Variants in ABLIM2 observed in about 807,000 individuals in gnomAD.
ABLIM2 encodes actin-binding LIM protein 2.
In ABLIM2, 53 loss-of-function variants were observed where a neutral mutation model predicts 97.7. The ratio of observed to expected loss-of-function variants is 0.54; its 90% CI spans 0.44 to 0.68. The LOEUF is 0.68. Ranked by LOEUF, ABLIM2 falls within the 30% of genes least tolerant of loss-of-function variation. ABLIM2 has a pLI of 0.00. For synonymous variants in ABLIM2, 361 were observed against 345.8 expected, an observed-to-expected ratio of 1.04 and a Z score of -0.49; for missense variants, 835 against 867.2, an observed-to-expected ratio of 0.96 and a Z score of 0.47.
At chr4:8,036,088 T>A in intron 10 of ABLIM2, 61 bp downstream of exon 10, 1 of 1,588,144 alleles carries the variant, frequency 6.3e-7, no homozygotes, top group Non-Finnish European at 8.6e-7. Flanking sequence ...GGATGACGCC[T>A]GTCCTGCAGG....
chr4:8,077,580 G>A, intron 6 of ABLIM2, 48 bp downstream of exon 6: 2 of 1,518,912 alleles, frequency 1.3e-6, no homozygotes, highest in Non-Finnish European at 9.0e-7. Flanking sequence ...CAGGGGGGCA[G>A]TTAGGCCCTA....
intron 3 of ABLIM2, among the ~76,000 whole-genome samples, chr4:8,094,428 C>T (rs113714993): frequency 0.024 from 3,678 of 152,262 alleles, 136 homozygotes; most frequent in African/African-American, 0.081. Flanking sequence ...TGCGCAATTC[C>T]TGTCCCTTTT....
chr4:8,056,804 C>T (rs1410677384), intron 7 of ABLIM2, among the ~76,000 whole-genome samples: 2 of 151,268 alleles, frequency 1.3e-5, no homozygotes, highest in Admixed American at 6.6e-5. Context: ...TGGTGGCGGG[C>T]GCCTGTAGTC....
intron 12 of ABLIM2, 85 bp from the exon 13 acceptor site, chr4:8,020,388 C>T: frequency 8.2e-7 from 1 of 1,217,304 alleles, no homozygotes; most frequent in Non-Finnish European, 1.2e-6. Context: ...AGCTTATTTG[C>T]AGCGAGCCCC....
Position 8,083,010 on chromosome 4 carries a change from GTCATAAC to G in ABLIM2, c.455-2215_455-2209del, listed in dbSNP as rs1231639570. Reference sequence around the variant, plus strand: ...GCAATGTCTGGCGACCCTTTTGATTGTCATAACTTGGAGGGGGTTCCAGGCATCTAGT... The same window carrying G: ...GCAATGTCTGGCGACCCTTTTGATTGTTGGAGGGGGTTCCAGGCATCTAGT... On this transcript the variant is annotated intron_variant, in intron 4 of 20. Transcript: ENST00000447017. The surrounding 1 kb of genome is among the most constrained non-coding windows in gnomAD (Gnocchi z 4.6). Among the ~76,000 whole-genome samples the G allele has an allele frequency of 6.6e-6, 1 of 152,162 alleles. No homozygotes were observed. Among genetic ancestry groups the G allele is most frequent in the Non-Finnish European group, 1.5e-5 (1 of 68,026 alleles).
Position 8,015,284 on chromosome 4 carries a change from T to G in ABLIM2, c.1423+4334A>C, listed in dbSNP as rs574275665. On this transcript the variant is annotated intron_variant, in intron 14 of 20. Transcript: ENST00000447017. The surrounding 1 kb of genome is among the most constrained non-coding windows in gnomAD (Gnocchi z 4.6). The stretch of plus-strand genomic sequence containing the variant: ...TGCACTGCAGAAGGAGAGGTTAGCG[T>G]GTCTTTTGTATCACACAGACAGTTC... 3.7e-4 allele frequency among the ~76,000 whole-genome samples: 56 copies of G among 152,228 alleles called. No individual in the cohort carries two copies. Among genetic ancestry groups the G allele is most frequent in the African/African-American group, 1.3e-3 (54 of 41,544 alleles).
Position 7,970,970 on chromosome 4 carries a change from G to C in ABLIM2, c.1825-3867C>G, listed in dbSNP as rs1424411500. 6.6e-6 allele frequency among the ~76,000 whole-genome samples: 1 copy of C among 152,108 alleles called. No individual in the cohort carries two copies. Among genetic ancestry groups the C allele is most frequent in the Non-Finnish European group, 1.5e-5 (1 of 67,988 alleles). On this transcript the variant is annotated intron_variant, in intron 20 of 20. Transcript: ENST00000447017. The surrounding 1 kb of genome is among the most constrained non-coding windows in gnomAD (Gnocchi z 5.3). ...GCTCCAGTCCTGTTTTCTGTCTGCA[G>C]CGTGAGAGAACTTGGTTGCCTGGGT...
intron 20 of ABLIM2, among the ~76,000 whole-genome samples, chr4:7,980,121 T>C (rs1736801624): frequency 6.6e-6 from 1 of 152,138 alleles, no homozygotes; most frequent in Non-Finnish European, 1.5e-5. Context: ...AGCCCTGCAA[T>C]GGCTGATTGA....
rs1335205640 is a variant in ABLIM2, at chr4:8,044,106, G to A, written c.900+1058C>T. ...CCCTGTGTCCAACCACTATGAGAGA[G>A]GAGGGTCGAAAAGAAGCACAGCAGA... is the stretch of plus-strand genomic sequence containing the variant. On this transcript the variant is annotated intron_variant, in intron 9 of 20. Transcript: ENST00000447017. The surrounding 1 kb of genome is among the most constrained non-coding windows in gnomAD (Gnocchi z 4.4). Among the ~76,000 whole-genome samples, 2 of 152,234 alleles carry A rather than the reference G, an allele frequency of 1.3e-5. No homozygotes were observed. Among genetic ancestry groups the A allele is most frequent in the African/African-American group, 4.8e-5 (2 of 41,464 alleles).
intron 8 of ABLIM2, among the ~76,000 whole-genome samples, chr4:8,048,320 C>A (rs561947816): frequency 6.6e-6 from 1 of 152,234 alleles, no homozygotes; most frequent in Non-Finnish European, 1.5e-5. Context: ...CCAGTACAAG[C>A]GCCTTGTTCA....
chr4:8,122,301 C>T lies in ABLIM2; in HGVS notation c.11-15664G>A, dbSNP rs896140161. 5.9e-5 allele frequency among the ~76,000 whole-genome samples: 9 copies of T among 152,160 alleles called. No individual in the cohort carries two copies. Among genetic ancestry groups the T allele is most frequent in the East Asian group, 1.9e-4 (1 of 5,182 alleles). On this transcript the variant is annotated intron_variant, in intron 1 of 20. Coordinates refer to ENST00000447017, the MANE Select transcript of ABLIM2 (RefSeq NM_001130083.2). This position sits in a 1 kb window ranked among gnomAD's most constrained non-coding sequence, Gnocchi z 4.1. ...CTGGAGAGGTCCCCCACTTTGTCCT[C>T]GGCTCCCATCCTCCATTTCCCAGGG...
In ABLIM2 at chr4:8,095,306, G is replaced by A. The variant is rs1345300751; in HGVS notation, c.338+1793C>T. Among the ~76,000 whole-genome samples the A allele has an allele frequency of 1.3e-5, 2 of 152,040 alleles. No individual in the cohort carries two copies. The highest frequency in any genetic ancestry group is 2.1e-4 in the South Asian group (1 of 4,826). ...TTTTGTAGAGACAGGGTCTTGCTAT[G>A]TCACGCAGGCTGATCTTGAACTCCC... On this transcript the variant is annotated intron_variant, in intron 3 of 20. Coordinates refer to ENST00000447017, the MANE Select transcript of ABLIM2 (RefSeq NM_001130083.2). The surrounding 1 kb of genome is among the most constrained non-coding windows in gnomAD (Gnocchi z 4.7).
At chr4:8,092,277 C>T (rs1183633701) in intron 3 of ABLIM2, among the ~76,000 whole-genome samples, 1 of 151,974 alleles carries the variant, frequency 6.6e-6, no homozygotes, top group African/African-American at 2.4e-5. Context: ...GGATTACAGG[C>T]GTGAGTCACC....
Position 8,007,860 on chromosome 4 carries a change from C to A in ABLIM2, c.1618+199G>T, listed in dbSNP as rs367843191. 1.3e-5 allele frequency: 18 copies of A among 1,385,376 alleles called. No individual in the cohort carries two copies. In the East Asian group the frequency reaches 4.5e-4, roughly 34 times the overall value. The allele number at this position is 1,385,376 out of a possible 1,614,324, so 85.8% of individuals were successfully genotyped here. ...CGTGGCCCTCGTTAGCACACTGGCT[C>A]GGGGACAGTTCTTGGGAAGCCGGCA... On this transcript the variant is annotated intron_variant, in intron 16 of 20. Coordinates refer to ENST00000447017, the MANE Select transcript of ABLIM2 (RefSeq NM_001130083.2).
intron 20 of ABLIM2, among the ~76,000 whole-genome samples, chr4:7,972,464 A>G (rs1410401921): frequency 2.0e-5 from 3 of 152,208 alleles, no homozygotes; most frequent in African/African-American, 7.2e-5. Flanking sequence ...AGGCTGAGTC[A>G]GTGCTGACCT....
At chr4:8,065,208 T>C (rs999132495) in intron 6 of ABLIM2, among the ~76,000 whole-genome samples, 1 of 152,182 alleles carries the variant, frequency 6.6e-6, no homozygotes, top group Admixed American at 6.5e-5. Flanking sequence ...GCTCTGATCA[T>C]GCCACTGCAC....
chr4:8,047,487 G>A (rs1402954864), intron 8 of ABLIM2, among the ~76,000 whole-genome samples: 1 of 152,104 alleles, frequency 6.6e-6, no homozygotes, highest in African/African-American at 2.4e-5. Context: ...TCAACTCTGG[G>A]GTCTGCCTGC....
At chr4:8,134,143 C>T (rs979521058) in intron 1 of ABLIM2, among the ~76,000 whole-genome samples, 32 of 152,278 alleles carry the variant, frequency 2.1e-4, no homozygotes, top group African/African-American at 6.5e-4. Context: ...ACAGAGGCTC[C>T]GAGGCCAGGC....
chr4:8,013,463 A>C lies in ABLIM2; in HGVS notation c.1424-4361T>G, dbSNP rs138104685. Among the ~76,000 whole-genome samples, 1,187 of 152,292 alleles carry C rather than the reference A, an allele frequency of 7.8e-3. 10 individuals carry two copies. Among genetic ancestry groups the C allele is most frequent in the African/African-American group, 0.027 (1,112 of 41,560 alleles). ...GGTCTTGAACTCCTGACCTCAAATG[A>C]TCCACCTGCCTCAGCCTCACAAAGT... On this transcript the variant is annotated intron_variant, in intron 14 of 20. Coordinates refer to ENST00000447017, the MANE Select transcript of ABLIM2 (RefSeq NM_001130083.2).
Sources: gnomAD v4.1 joint callset for allele counts (sites outside exome capture counted in the v4.1 genomes callset) on GRCh38, gnomAD v4.1.1 for gene constraint, Gnocchi (gnomAD v3.1) non-coding constraint, MANE v1.5 for transcripts, NCBI Gene and HGNC (gene_info 2026-07-23, HGNC 2026-07-21) for gene names.